Variants in KTN1 observed in about 807,000 individuals in gnomAD.
The protein encoded by KTN1 is kinectin.
In KTN1, 130 loss-of-function variants were observed where a neutral mutation model predicts 222.5. The observed-to-expected ratio is 0.58, with a 90% CI of 0.51 to 0.68. The LOEUF is 0.68. KTN1 is among the 30% of genes least tolerant of loss of function. The pLI is 0.00. For synonymous variants in KTN1, 512 were observed against 496.3 expected, an observed-to-expected ratio of 1.03 and a Z score of -0.42; for missense variants, 1,508 against 1,500.4, an observed-to-expected ratio of 1.01 and a Z score of -0.08.
intron 21 of KTN1, among the ~76,000 whole-genome samples, 161 bp from the exon 22 acceptor site, chr14:55,649,615 G>A (rs1595099439): frequency 1.3e-5 from 2 of 151,988 alleles, no homozygotes; most frequent in Admixed American, 6.6e-5. Context: ...AATGCTATTT[G>A]TTGTCATTAT....
intron 18 of KTN1, among the ~76,000 whole-genome samples, chr14:55,646,460 T>TTTTCCTTTTCCC (rs2042313408): frequency 2.0e-5 from 1 of 48,958 alleles, no homozygotes; most frequent in African/African-American, 7.6e-5. Context: ...TTCCTTTTCC[T>TTTTCCTTTTCCC]TTTCCTTTCC....
chr14:55,608,710 A>G (rs1261841646), intron 1 of KTN1, among the ~76,000 whole-genome samples: 3 of 151,538 alleles, frequency 2.0e-5, no homozygotes, highest in Non-Finnish European at 4.4e-5. Flanking sequence ...TGTCACTGCA[A>G]CCTCTGCCTC....
chr14:55,615,107 G>A (rs1304382343), intron 2 of KTN1, among the ~76,000 whole-genome samples: 2 of 152,270 alleles, frequency 1.3e-5, no homozygotes, highest in Non-Finnish European at 2.9e-5. Context: ...AAAGGATACC[G>A]CAAAGGAATA....
rs2046074478 is a variant in KTN1, at chr14:55,678,463, C to T, written c.3948+19C>T. 1.4e-6 allele frequency: 2 copies of T among 1,474,312 alleles called. No individual in the cohort carries two copies. The highest frequency in any genetic ancestry group is 9.5e-7 in the Non-Finnish European group (1 of 1,052,848). 91.3% of individuals were successfully genotyped at this position (1,474,312 alleles called of 1,614,324 possible). The stretch of plus-strand genomic sequence containing the variant: ...AGAAACGGTATGTATTTTCTTCATC[C>T]CCAGATCTCTGAGCTAGTTACCTTG... On this transcript the variant is annotated intron_variant, in intron 42 of 43. Coordinates refer to ENST00000395314, the MANE Select transcript of KTN1 (RefSeq NM_001079521.2).
rs577001352 is a variant in KTN1, at chr14:55,672,718, T to C, written c.3603+17T>C. Reference sequence around the variant, plus strand: ...ATTGAAAATGTATGTTATTTGATTGTTTTACTTGTAACCTATGGATTTGTT... The same window carrying C: ...ATTGAAAATGTATGTTATTTGATTGCTTTACTTGTAACCTATGGATTTGTT... On this transcript the variant is annotated intron_variant, in intron 38 of 43. Transcript: ENST00000395314. The C allele has an allele frequency of 6.0e-6, 9 of 1,502,518 alleles. No homozygotes were observed. Among genetic ancestry groups the C allele is most frequent in the African/African-American group, 5.5e-5 (4 of 72,746 alleles). The allele number at this position is 1,502,518 out of a possible 1,614,324, so 93.1% of individuals were successfully genotyped here.
chr14:55,591,581 CTTTT>C (rs71131297), intron 1 of KTN1, among the ~76,000 whole-genome samples: 5 of 87,678 alleles, frequency 5.7e-5, no homozygotes, highest in Non-Finnish European at 8.8e-5. Context: ...TTCTCTCTTT[CTTTT>C]TTTTTTTTTT....
intron 14 of KTN1, 101 bp from the exon 15 acceptor site, chr14:55,640,273 T>C (rs368744107): frequency 2.3e-5 from 19 of 813,278 alleles, no homozygotes; most frequent in East Asian, 1.1e-4. Context: ...GGAAATTTTG[T>C]AAGTTGAGAC....
At chr14:55,658,312 C>T (rs17747301) in intron 29 of KTN1, among the ~76,000 whole-genome samples, 2 of 152,048 alleles carry the variant, frequency 1.3e-5, no homozygotes, top group Non-Finnish European at 2.9e-5. Flanking sequence ...AGAGCTATTT[C>T]GGTATATTTC....
At position 55,596,600 on chromosome 14, in the gene KTN1, A is replaced by G. The variant is rs954563266; in HGVS notation, c.-30-15419A>G. Among the ~76,000 whole-genome samples, 5 of 152,290 alleles carry G rather than the reference A, an allele frequency of 3.3e-5. No homozygotes were observed. The East Asian group carries it at 5.8e-4, about 18-fold the overall frequency. ...CTGGAAGGCAGTCTTTGCAATCACAAATTTTGAAGGTTCATGGTGTGCTGT... is the reference window on the plus strand; with the variant it reads ...CTGGAAGGCAGTCTTTGCAATCACAGATTTTGAAGGTTCATGGTGTGCTGT... On this transcript the variant is annotated intron_variant, in intron 1 of 43. Transcript: ENST00000395314.
At chr14:55,620,071 A>C (rs2038934738) in intron 5 of KTN1, among the ~76,000 whole-genome samples, 2 of 152,316 alleles carry the variant, frequency 1.3e-5, no homozygotes, top group South Asian at 4.1e-4. Context: ...AAATTGGCCA[A>C]AATAAAAGGG....
chr14:55,625,815 T>C (rs189376643), intron 5 of KTN1, among the ~76,000 whole-genome samples: 6 of 152,342 alleles, frequency 3.9e-5, no homozygotes, highest in Admixed American at 3.9e-4. Context: ...GTTCTCTTTA[T>C]TCATATTGCT....
At position 55,666,541 on chromosome 14, in the gene KTN1, C is replaced by G. The variant is rs140830206; in HGVS notation, c.3178-700C>G. On this transcript the variant is annotated intron_variant, in intron 33 of 43. Coordinates refer to ENST00000395314, the MANE Select transcript of KTN1 (RefSeq NM_001079521.2). ...GAGTTTATAATTGATATCCATTAGA[C>G]TTGGATTTAATATCAGCACATTTAG... 2.7e-3 allele frequency among the ~76,000 whole-genome samples: 412 copies of G among 151,678 alleles called. 1 individual carries two copies. The highest frequency in any genetic ancestry group is 4.1e-3 in the Non-Finnish European group (277 of 67,764).
chr14:55,639,132 C>T, intron 12 of KTN1, 53 bp from the exon 13 acceptor site: 2 of 1,167,566 alleles, frequency 1.7e-6, no homozygotes, highest in Non-Finnish European at 2.6e-6. Context: ...TATTGTATAG[C>T]TATAAAGCTT....
Position 55,684,028 on chromosome 14 carries a change from G to T in KTN1, c.4070-71G>T. On this transcript the variant is annotated intron_variant, in intron 43 of 43. Transcript: ENST00000395314. The stretch of plus-strand genomic sequence containing the variant: ...AATGGAATATGTACTTTTGGTGTTT[G>T]ACAAATGTCTTCTGATTGCCTTCTG... 3 of 1,401,450 alleles carry T rather than the reference G, an allele frequency of 2.1e-6. No individual in the cohort carries two copies. The South Asian group carries it at 3.7e-5, about 17-fold the overall frequency. 86.8% of individuals were successfully genotyped at this position (1,401,450 alleles called of 1,614,324 possible).
chr14:55,654,600 A>AC (rs1246852474), intron 28 of KTN1, among the ~76,000 whole-genome samples: 1 of 151,292 alleles, frequency 6.6e-6, no homozygotes, highest in East Asian at 1.9e-4. Context: ...GTGGTGGAGA[A>AC]CTTTTTATAT....
intron 1 of KTN1, among the ~76,000 whole-genome samples, chr14:55,608,267 G>A (rs921958343): frequency 1.2e-4 from 19 of 152,020 alleles, no homozygotes; most frequent in African/African-American, 4.3e-4. Context: ...GGTAAAATGT[G>A]AATTTGAGGT....
rs1338546099 is a variant in KTN1, at chr14:55,640,299, T to C, written c.1915-75T>C. On this transcript the variant is annotated intron_variant, in intron 14 of 43. Transcript: ENST00000395314. ...AAGTTGAGACATTTGCTTAACTCTT[T>C]TGTAGAAAAGATGCTTTACAAACTT... The C allele has an allele frequency of 5.8e-6, 6 of 1,042,024 alleles. No homozygotes were observed. The South Asian group carries it at 5.9e-5, about 10-fold the overall frequency. 64.5% of individuals were successfully genotyped at this position (1,042,024 alleles called of 1,614,324 possible).
intron 20 of KTN1, 36 bp downstream of exon 20, chr14:55,648,151 A>G: frequency 9.9e-7 from 1 of 1,015,130 alleles, no homozygotes. Flanking sequence ...CCTTGTGATT[A>G]TTCAGTGACA....
At chr14:55,598,054 C>G (rs188643337) in intron 1 of KTN1, among the ~76,000 whole-genome samples, 152 of 152,240 alleles carry the variant, frequency 1.0e-3, no homozygotes, top group African/African-American at 3.3e-3. Flanking sequence ...AGGGAAAACT[C>G]TTTGCTAGCA....
Sources: gnomAD v4.1 joint callset for allele counts (sites outside exome capture counted in the v4.1 genomes callset) on GRCh38, gnomAD v4.1.1 for gene constraint, MANE v1.5 for transcripts, NCBI Gene and HGNC (gene_info 2026-07-23, HGNC 2026-07-21) for gene names.